Variants in NREP observed in about 807,000 individuals in gnomAD.
NREP encodes the protein neuronal regeneration related protein, also known as neuronal regeneration-related protein.
Under a neutral mutation model 8.6 loss-of-function variants are expected in NREP, and 5 were observed. That is an observed-to-expected ratio of 0.58 (90% CI 0.30 to 1.22). The LOEUF is 1.22. Among genes scored for constraint, NREP ranks in the 50% most tolerant of loss-of-function variants. NREP has a pLI of 0.07. For missense variants in NREP, 86 were observed against 82.5 expected (o/e 1.04, Z -0.17); for synonymous variants, 27 against 28.0 (o/e 0.96, Z 0.11).
At chr5:111,966,600 AG>A (rs1756650393) in intron 2 of NREP, among the ~76,000 whole-genome samples, 1 of 152,218 alleles carries the variant, frequency 6.6e-6, no homozygotes, top group African/African-American at 2.4e-5. Context: ...ATGAAAGCAG[AG>A]TAAAAAGGCA....
intron 2 of NREP, among the ~76,000 whole-genome samples, chr5:111,873,963 G>A (rs1369664361): frequency 6.6e-6 from 1 of 152,078 alleles, no homozygotes; most frequent in African/African-American, 2.4e-5. Flanking sequence ...AGTCTCAGGT[G>A]GAGACAGAGA....
intron 2 of NREP, among the ~76,000 whole-genome samples, chr5:111,746,398 T>C (rs550825712): frequency 6.6e-6 from 1 of 152,222 alleles, no homozygotes; most frequent in East Asian, 1.9e-4. Flanking sequence ...TGGTATATAT[T>C]TAGACCCAAG....
chr5:111,957,423 C>T (rs1356155448), intron 2 of NREP, among the ~76,000 whole-genome samples: 3 of 151,910 alleles, frequency 2.0e-5, no homozygotes, highest in Admixed American at 6.6e-5. Flanking sequence ...AACCACCCCT[C>T]CCCAAAGACT....
chr5:111,846,785 C>T (rs906814449), intron 2 of NREP, among the ~76,000 whole-genome samples: 5 of 152,118 alleles, frequency 3.3e-5, no homozygotes, highest in Non-Finnish European at 7.4e-5. Flanking sequence ...CTTGGATTTG[C>T]TCCTTGTTTA....
chr5:111,976,704 A>T, intron 1 of NREP: 2 of 1,549,402 alleles, frequency 1.3e-6, no homozygotes, highest in Non-Finnish European at 1.7e-6. Flanking sequence ...GTTATTCTTC[A>T]CATACCAAAG....
At chr5:111,759,350 A>AAGG (rs1441329763), upstream of NREP, among the ~76,000 whole-genome samples, 1 of 152,204 alleles carries the variant, frequency 6.6e-6, no homozygotes, top group East Asian at 1.9e-4. Flanking sequence ...CAGGGACTTT[A>AAGG]ACGTTTATGT....
intron 2 of NREP, among the ~76,000 whole-genome samples, chr5:111,937,485 T>A (rs1206148103): frequency 6.6e-6 from 1 of 152,062 alleles, no homozygotes; most frequent in Admixed American, 6.6e-5. Flanking sequence ...CTCTCAACAC[T>A]TACCTCCTCT....
chr5:111,884,977 C>A (rs909591375), intron 2 of NREP, among the ~76,000 whole-genome samples: 6 of 152,070 alleles, frequency 3.9e-5, no homozygotes, highest in Non-Finnish European at 8.8e-5. Flanking sequence ...CTAGCCAGGG[C>A]AATTAGGCAG....
At chr5:111,856,871 G>T (rs566115386) in intron 2 of NREP, among the ~76,000 whole-genome samples, 2 of 152,102 alleles carry the variant, frequency 1.3e-5, no homozygotes, top group East Asian at 3.9e-4. Flanking sequence ...ATTGGTTGGC[G>T]GCTGGTTGAG....
intron 2 of NREP, among the ~76,000 whole-genome samples, chr5:111,764,920 G>A (rs537239209): frequency 6.6e-6 from 1 of 152,232 alleles, no homozygotes; most frequent in Non-Finnish European, 1.5e-5. Flanking sequence ...AAATATTTCA[G>A]TATGTATCTC....
Position 111,756,928 on chromosome 5 carries a change from G to GA in NREP, c.-59+207dup, listed in dbSNP as rs1027928655. On this transcript the variant is annotated intron_variant, in intron 1 of 3. Transcript: ENST00000257435. ...TCTCCCTCCGAACTTGTGCATTTTA[G>GA]AAAAAACCCAAGTTAAATTCCAGCC... 2.6e-4 allele frequency among the ~76,000 whole-genome samples: 39 copies of GA among 152,218 alleles called. No homozygotes were observed. In the East Asian group the frequency reaches 6.4e-3, roughly 25 times the overall value.
chr5:111,751,434 C>T (rs965625596), intron 2 of NREP, among the ~76,000 whole-genome samples: 17 of 152,066 alleles, frequency 1.1e-4, no homozygotes, highest in African/African-American at 3.4e-4. Flanking sequence ...GAAGCTCTTC[C>T]TAGGTACAAA....
intron 2 of NREP, among the ~76,000 whole-genome samples, chr5:111,882,828 A>G (rs1390506694): frequency 2.6e-5 from 4 of 152,246 alleles, no homozygotes; most frequent in African/African-American, 4.8e-5. Flanking sequence ...TGAAGGAAGC[A>G]CTAAACATGG....
At chr5:111,775,157 C>T (rs61028748) in intron 2 of NREP, among the ~76,000 whole-genome samples, 1 of 152,110 alleles carries the variant, frequency 6.6e-6, no homozygotes, top group Admixed American at 6.5e-5. Flanking sequence ...CCGAAAGTAG[C>T]TGGGAGTACG....
At chr5:111,862,793 T>C (rs1028333741) in intron 2 of NREP, among the ~76,000 whole-genome samples, 6 of 151,690 alleles carry the variant, frequency 4.0e-5, no homozygotes, top group African/African-American at 1.5e-4. Flanking sequence ...ATTATTTGCT[T>C]ATAATTGTGG....
chr5:111,790,846 AT>A (rs1001972682), intron 2 of NREP, among the ~76,000 whole-genome samples: 1 of 152,126 alleles, frequency 6.6e-6, no homozygotes, highest in Non-Finnish European at 1.5e-5. Flanking sequence ...TTATGCGCCT[AT>A]TTTTGTTCAA....
At chr5:111,916,122 G>A (rs1157316809) in intron 2 of NREP, among the ~76,000 whole-genome samples, 1 of 151,968 alleles carries the variant, frequency 6.6e-6, no homozygotes, top group African/African-American at 2.4e-5. Context: ...CATTTCAGCT[G>A]ATTCATATCA....
At chr5:111,890,145 G>C (rs556963267) in intron 2 of NREP, among the ~76,000 whole-genome samples, 1 of 152,280 alleles carries the variant, frequency 6.6e-6, no homozygotes, top group South Asian at 2.1e-4. Context: ...CCCAAAGGAA[G>C]AAATCAGCCA....
chr5:111,734,782 C>A (rs1365672429), intron 3 of NREP: 9 of 690,974 alleles, frequency 1.3e-5, no homozygotes, highest in Non-Finnish European at 5.3e-6. Flanking sequence ...AGTATACTCT[C>A]CCCGCTTGAA....
Sources: gnomAD v4.1 joint callset for allele counts (sites outside exome capture counted in the v4.1 genomes callset) on GRCh38, gnomAD v4.1.1 for gene constraint, MANE v1.5 for transcripts, NCBI Gene and HGNC (gene_info 2026-07-23, HGNC 2026-07-21) for gene names.